CALN1: variants seen among roughly 807,000 people sequenced by gnomAD.
CALN1 encodes calcium-binding protein 8.
CALN1 carries 17 observed loss-of-function variants against 30.6 expected under a neutral mutation model. That is an observed-to-expected ratio of 0.56 (90% CI 0.38 to 0.83). CALN1 has a LOEUF of 0.83. CALN1 is among the 40% of genes least tolerant of loss of function. CALN1 has a pLI of 0.00. For missense variants in CALN1, 291 were observed against 354.9 expected, an observed-to-expected ratio of 0.82 and a Z score of 1.45; for synonymous variants, 156 against 131.4, an observed-to-expected ratio of 1.19 and a Z score of -1.28.
At chr7:71,861,076 C>T (rs988455358) in intron 5 of CALN1, among the ~76,000 whole-genome samples, 1 of 152,126 alleles carries the variant, frequency 6.6e-6, no homozygotes, top group Admixed American at 6.5e-5. Context: ...GAAGACACTC[C>T]TTCCTCATGT....
At chr7:72,409,396 CTG>C (rs1273179881) in intron 1 of CALN1, among the ~76,000 whole-genome samples, 4 of 148,538 alleles carry the variant, frequency 2.7e-5, no homozygotes, top group African/African-American at 4.9e-5. Context: ...TCCACTCAGA[CTG>C]TATCCACATA....
intron 5 of CALN1, among the ~76,000 whole-genome samples, chr7:71,944,594 C>CAAAAAAAAAAAAAAAAA: frequency 1.7e-5 from 1 of 60,002 alleles, no homozygotes; most frequent in Non-Finnish European, 2.9e-5. Context: ...AACTCCATCC[C>CAAAAAAAAAAAAAAAAA]AAAAAAAAAA....
chr7:72,324,561 TTTATTTATTTATTTATTTA>T (rs1170265168), intron 2 of CALN1, among the ~76,000 whole-genome samples: 1 of 15,250 alleles, frequency 6.6e-5, no homozygotes, highest in Non-Finnish European at 2.4e-4. Flanking sequence ...AATGATGTAA[TTTATTTATTTATTTATTTA>T]TTTATTTATT....
At chr7:72,475,234 C>A in the CALN1 span, among the ~76,000 whole-genome samples, 3 of 152,022 alleles carry the variant, frequency 2.0e-5, no homozygotes, top group Non-Finnish European at 2.9e-5. Flanking sequence ...GAGGTCGAGG[C>A]GGGTGGATAT....
chr7:72,021,515 A>G (rs948815153), intron 5 of CALN1, among the ~76,000 whole-genome samples: 1 of 152,096 alleles, frequency 6.6e-6, no homozygotes, highest in African/African-American at 2.4e-5. Context: ...TCAAGTCATA[A>G]CTGAAGGTTC....
chr7:72,271,536 A>T (rs1368004995), intron 3 of CALN1, among the ~76,000 whole-genome samples: 1 of 136,406 alleles, frequency 7.3e-6, no homozygotes, highest in East Asian at 2.1e-4. Context: ...AGTTAGGATT[A>T]TAAGCATGAA....
chr7:72,466,864 GAA>G, the CALN1 span, among the ~76,000 whole-genome samples: 442 of 33,182 alleles, frequency 0.013, 1 homozygote, highest in East Asian at 0.086. Context: ...GAAAGAGAAA[GAA>G]AAAGAAAGAA....
chr7:72,174,463 G>T (rs533162152), intron 3 of CALN1, among the ~76,000 whole-genome samples: 19 of 152,092 alleles, frequency 1.2e-4, no homozygotes, highest in Non-Finnish European at 2.5e-4. Context: ...TTACATTTTT[G>T]ACTATTACTT....
intron 2 of CALN1, among the ~76,000 whole-genome samples, chr7:72,311,130 A>G (rs1267715622): frequency 6.6e-6 from 1 of 151,928 alleles, no homozygotes; most frequent in African/African-American, 2.4e-5. Flanking sequence ...CCTCCTCTTC[A>G]GTCTACTCAA....
chr7:72,278,995 C>T (rs1440357558), intron 2 of CALN1, among the ~76,000 whole-genome samples, 185 bp from the exon 3 acceptor site: 3 of 152,146 alleles, frequency 2.0e-5, no homozygotes, highest in Admixed American at 6.5e-5. Context: ...CAAAGGAATT[C>T]AGGTTTTTCC....
At chr7:72,074,219 A>T (rs1804584970) in intron 4 of CALN1, among the ~76,000 whole-genome samples, 1 of 152,176 alleles carries the variant, frequency 6.6e-6, no homozygotes, top group South Asian at 2.1e-4. Context: ...GATATAAAAG[A>T]TCATGTTTTG....
intron 4 of CALN1, among the ~76,000 whole-genome samples, chr7:72,076,712 T>C (rs1804770893): frequency 7.5e-6 from 1 of 133,768 alleles, no homozygotes; most frequent in South Asian, 2.5e-4. Flanking sequence ...AAAACAGTAG[T>C]GGGCAGCCAC....
intron 4 of CALN1, among the ~76,000 whole-genome samples, chr7:72,091,556 T>C (rs1014403554): frequency 7.2e-5 from 11 of 152,096 alleles, no homozygotes; most frequent in Admixed American, 3.3e-4. Flanking sequence ...AATTAAAAAC[T>C]AGAAAAATTA....
chr7:72,009,246 T>A (rs1799939841), intron 5 of CALN1, among the ~76,000 whole-genome samples: 1 of 152,214 alleles, frequency 6.6e-6, no homozygotes, highest in South Asian at 2.1e-4. Context: ...CATGCTAGGT[T>A]AACTATGTTT....
chr7:71,786,264 A>C lies in CALN1; in HGVS notation c.*1511T>G, dbSNP rs951653672. The C allele has an allele frequency of 6.6e-6, 1 of 152,220 alleles. No individual in the cohort carries two copies. The highest frequency in any genetic ancestry group is 6.5e-5 in the Admixed American group (1 of 15,280). 9.4% of individuals were successfully genotyped at this position (152,220 alleles called of 1,614,324 possible). On this transcript the variant is annotated 3_prime_UTR_variant, in exon 7 of 7. Coordinates refer to ENST00000395275, the MANE Select transcript of CALN1 (RefSeq NM_031468.4). ...GGTGGCTCGCTACTGGAAGGGGGGA[A>C]GCATGTAGTTTTAGGATGTAATCAA...
intron 5 of CALN1, among the ~76,000 whole-genome samples, chr7:71,878,049 C>T (rs569152641): frequency 1.3e-5 from 2 of 152,224 alleles, no homozygotes; most frequent in South Asian, 4.2e-4. Context: ...CTAACAAGTT[C>T]CCAGGTGACG....
intron 3 of CALN1, among the ~76,000 whole-genome samples, chr7:72,240,780 T>C (rs559940356): frequency 6.6e-6 from 1 of 152,318 alleles, no homozygotes; most frequent in African/African-American, 2.4e-5. Flanking sequence ...GAATCACTAA[T>C]GTGTAGGGTC....
chr7:72,165,424 G>A (rs992149639), intron 3 of CALN1, among the ~76,000 whole-genome samples: 1 of 151,972 alleles, frequency 6.6e-6, no homozygotes, highest in Admixed American at 6.6e-5. Flanking sequence ...AGCCAGGCAT[G>A]GTGGTGCATG....
intron 3 of CALN1, among the ~76,000 whole-genome samples, chr7:72,217,190 G>A (rs1562752424): frequency 2.0e-5 from 3 of 152,084 alleles, no homozygotes; most frequent in Admixed American, 6.6e-5. Context: ...TCCCCCTAAG[G>A]GCTCTAGTCT....
Sources: gnomAD v4.1 joint callset for allele counts (sites outside exome capture counted in the v4.1 genomes callset) on GRCh38, gnomAD v4.1.1 for gene constraint, MANE v1.5 for transcripts, NCBI Gene and HGNC (gene_info 2026-07-23, HGNC 2026-07-21) for gene names.